The following SULF2 variants were observed in gnomAD, a reference collection of about 807,000 sequenced individuals.
The protein encoded by SULF2 is extracellular sulfatase Sulf-2.
SULF2 carries 52 observed loss-of-function variants against 107.7 expected under a neutral mutation model. The ratio of observed to expected loss-of-function variants is 0.48; its 90% CI spans 0.39 to 0.61. SULF2 has a LOEUF of 0.61. Ranked by LOEUF, SULF2 falls within the 20% of genes least tolerant of loss-of-function variation. SULF2 has a pLI of 0.00. For missense variants in SULF2, 993 were observed against 1,177.3 expected, an observed-to-expected ratio of 0.84 and a Z score of 2.29; for synonymous variants, 460 against 464.3, an observed-to-expected ratio of 0.99 and a Z score of 0.12.
chr20:47,728,522 G>A (rs750060679), intron 3 of SULF2, among the ~76,000 whole-genome samples: 1 of 152,138 alleles, frequency 6.6e-6, no homozygotes, highest in Non-Finnish European at 1.5e-5. Context: ...ACAGAATGTG[G>A]AGACTTAGTC....
At chr20:47,710,009 C>T (rs2088875838) in intron 3 of SULF2, among the ~76,000 whole-genome samples, 1 of 151,350 alleles carries the variant, frequency 6.6e-6, no homozygotes, top group South Asian at 2.1e-4. Context: ...TCAAGCGATT[C>T]TCCCGCCTCA....
At chr20:47,663,419 T>C (rs1296912468) in intron 16 of SULF2, 34 bp downstream of exon 16, 1 of 1,603,842 alleles carries the variant, frequency 6.2e-7, no homozygotes, top group African/African-American at 1.3e-5. Flanking sequence ...CCCCTGGGCC[T>C]CAGCCTGTCC....
chr20:47,781,106 C>G (rs989114751), intron 1 of SULF2, among the ~76,000 whole-genome samples: 2 of 152,234 alleles, frequency 1.3e-5, no homozygotes, highest in Non-Finnish European at 2.9e-5. Context: ...CCTGGCCCCC[C>G]GAAAGCACAG....
intron 18 of SULF2, chr20:47,661,570 G>A (rs1290850127): frequency 1.2e-5 from 5 of 418,376 alleles, no homozygotes; most frequent in East Asian, 7.4e-5. Context: ...GGCAGTTGGT[G>A]CAGGTGTTCC....
chr20:47,659,990 C>CTGAATGAA (rs2087014351), intron 18 of SULF2, among the ~76,000 whole-genome samples: 1 of 152,146 alleles, frequency 6.6e-6, no homozygotes, highest in Non-Finnish European at 1.5e-5. Flanking sequence ...CTTCATTCAG[C>CTGAATGAA]GCTGACCTTA....
chr20:47,684,637 T>C (rs2087939258), intron 5 of SULF2, 56 bp from the exon 6 acceptor site: 3 of 1,580,104 alleles, frequency 1.9e-6, no homozygotes, highest in Non-Finnish European at 8.6e-7. Context: ...GGACCCTGCC[T>C]GGCCCCCGCC....
chr20:47,738,503 G>A (rs2089800006), intron 2 of SULF2, among the ~76,000 whole-genome samples: 1 of 152,206 alleles, frequency 6.6e-6, no homozygotes, highest in South Asian at 2.1e-4. Flanking sequence ...TGGTTTGGCT[G>A]TGTCCCCACC....
intron 3 of SULF2, among the ~76,000 whole-genome samples, chr20:47,728,946 T>C (rs1004521113): frequency 6.6e-6 from 1 of 152,188 alleles, no homozygotes; most frequent in African/African-American, 2.4e-5. Flanking sequence ...ACGCCCAGCC[T>C]GAGAGCTGGC....
rs148033265 is a variant in SULF2, at chr20:47,673,010, A to G, written c.1381-617T>C. Among the ~76,000 whole-genome samples the G allele has an allele frequency of 5.6e-3, 856 of 152,316 alleles. 6 individuals are homozygous for G. The highest frequency in any genetic ancestry group is 0.019 in the African/African-American group (807 of 41,580). On this transcript the variant is annotated intron_variant, in intron 10 of 20. Transcript: ENST00000688720. ...CCACCTTCCCAGACTCAATCAGTGC[A>G]GTGTGTGCAGAGGCTCCACGTGTGC...
chr20:47,741,169 C>A (rs2089870463), intron 2 of SULF2, among the ~76,000 whole-genome samples: 1 of 152,176 alleles, frequency 6.6e-6, no homozygotes, highest in African/African-American at 2.4e-5. Context: ...CTCTCCGGGG[C>A]TCCTGCTCAC....
chr20:47,685,123 T>G (rs2087954449), intron 5 of SULF2: 1 of 152,278 alleles, frequency 6.6e-6, no homozygotes, highest in Non-Finnish European at 1.5e-5. Context: ...TAGATTTTAG[T>G]TTGAAATAAT....
upstream of SULF2, among the ~76,000 whole-genome samples, chr20:47,785,654 C>T (rs2090919122): frequency 6.8e-6 from 1 of 146,662 alleles, no homozygotes; most frequent in Non-Finnish European, 1.5e-5. Flanking sequence ...CTGCCCCAGC[C>T]AGCCCCTTGG....
At position 47,672,402 on chromosome 20, in the gene SULF2, C is replaced by A; in HGVS notation, c.1381-9G>T. The A allele has an allele frequency of 6.3e-7, 1 of 1,594,492 alleles. No homozygotes were observed. Among genetic ancestry groups the A allele is most frequent in the Non-Finnish European group, 8.5e-7 (1 of 1,170,060 alleles). On this transcript the variant is annotated splice_polypyrimidine_tract_variant and intron_variant, in intron 10 of 20. Transcript: ENST00000688720. ...TCCACACACTGCCACTTCTGAAAGA[C>A]ATGCCAGGGCCTCGGCCAGCTGCTC...
At chr20:47,677,510 GTCAGGCGCAGTGGTTCAGCA>G (rs1157145013) in intron 8 of SULF2, among the ~76,000 whole-genome samples, 5 of 152,072 alleles carry the variant, frequency 3.3e-5, no homozygotes, top group Non-Finnish European at 7.4e-5. Flanking sequence ...CGAGTTCAGC[GTCAGGCGCAGTGGTTCAGCA>G]TCAGGCGCAG....
intron 1 of SULF2, among the ~76,000 whole-genome samples, chr20:47,767,005 G>C (rs1170845319): frequency 6.6e-6 from 1 of 152,026 alleles, no homozygotes; most frequent in Non-Finnish European, 1.5e-5. Flanking sequence ...GACAAACAGC[G>C]GACAGAGGTA....
At chr20:47,702,786 C>T in intron 3 of SULF2, 116 bp from the exon 4 acceptor site, 1 of 868,972 alleles carries the variant, frequency 1.2e-6, no homozygotes, top group Non-Finnish European at 1.8e-6. Flanking sequence ...AGCCCTCTGG[C>T]ACACAGAGCA....
chr20:47,661,745 A>AGGGCCCCAC (rs2146383418), intron 18 of SULF2, 28 bp downstream of exon 18: 1 of 1,502,974 alleles, frequency 6.7e-7, no homozygotes, highest in East Asian at 2.4e-5. Context: ...CTGCTGTCCA[A>AGGGCCCCAC]GGGCCCCACG....
chr20:47,727,691 G>C (rs532213823), intron 3 of SULF2, among the ~76,000 whole-genome samples: 89 of 152,228 alleles, frequency 5.8e-4, no homozygotes, highest in Non-Finnish European at 6.8e-4. Flanking sequence ...CACAGGTCAC[G>C]TATCACTCAG....
intron 13 of SULF2, 130 bp from the exon 14 acceptor site, chr20:47,665,423 G>C (rs2087229142): frequency 1.4e-6 from 1 of 698,440 alleles, no homozygotes; most frequent in Admixed American, 2.3e-5. Context: ...GGGCCCCAGG[G>C]CAAGCACCGG....
Sources: allele counts gnomAD v4.1 joint callset (sites outside exome capture counted in the v4.1 genomes callset), GRCh38; gene constraint gnomAD v4.1.1; transcripts MANE v1.5; gene names NCBI Gene and HGNC (gene_info 2026-07-23, HGNC 2026-07-21).